Variants in SYNE2 observed in about 807,000 individuals in gnomAD.
SYNE2 encodes nesprin-2.
A neutral mutation model predicts 856.3 loss-of-function variants in SYNE2; 431 were observed. The observed-to-expected ratio is 0.50, with a 90% confidence interval of 0.47 to 0.55. The LOEUF (loss-of-function observed/expected upper bound fraction) is 0.55, where lower values mean the gene tolerates loss of function less well. Ranked by LOEUF, SYNE2 falls within the 20% of genes least tolerant of loss-of-function variation. The pLI, the probability that SYNE2 is intolerant of heterozygous loss-of-function variation, is 0.00. For missense variants in SYNE2, 8,129 were observed against 8,023.2 expected (o/e 1.01, Z -0.50); for synonymous variants, 2,923 against 2,872.3 (o/e 1.02, Z -0.56).
At chr14:64,016,377 A>G in intron 32 of SYNE2, 96 bp from the exon 33 acceptor site, 2 of 787,496 alleles carry the variant, frequency 2.5e-6, no homozygotes, top group South Asian at 3.6e-5. Flanking sequence ...TTTGTTGGGT[A>G]TTGTTTTTAA....
chr14:63,995,676 G>T (rs138921286), intron 23 of SYNE2, among the ~76,000 whole-genome samples: 3 of 151,796 alleles, frequency 2.0e-5, no homozygotes, highest in Non-Finnish European at 4.4e-5. Flanking sequence ...AGTTTCTACT[G>T]TTGTGGCTCT....
In SYNE2 at chr14:64,137,333, G is replaced by A. The variant is rs932900536; in HGVS notation, c.14647-454G>A. ...TCCTGCCTCAGCCTCCTGGCTAGCT[G>A]GGATTACAGGTGTGCGCCACCAAGT... On this transcript the variant is annotated intron_variant, in intron 78 of 115. Transcript: ENST00000555002. Among the ~76,000 whole-genome samples, 11 of 152,294 alleles carry A rather than the reference G, an allele frequency of 7.2e-5. No individual in the cohort carries two copies. In the East Asian group the frequency reaches 1.9e-3, roughly 27 times the overall value.
chr14:63,981,076 C>G lies in SYNE2; in HGVS notation c.1739C>G (p.Thr580Ser). ...YRKNIYNVKS[T>S]LQKVLACWAT... ...AAAAATATATATAATGTGAAGTCCA[C>G]TCTACAAAAAGTGCTGGCATGTTGG... Residue 580 changes from threonine (T) to serine (S), a missense_variant, in exon 16 of 116, where the codon ACT becomes AGT. By Grantham distance (58) the Thr-to-Ser change is moderately conservative. Around this residue, in one of 3 missense-constraint regions of SYNE2, gnomAD observed 2,422 missense variants for 2,357.4 expected, o/e 1.03. Coordinates refer to ENST00000555002, the MANE Select transcript of SYNE2 (RefSeq NM_182914.3). 6.2e-7 allele frequency: 1 copy of G among 1,610,806 alleles called. No individual in the cohort carries two copies. The highest frequency in any genetic ancestry group is 8.5e-7 in the Non-Finnish European group (1 of 1,177,176).
At chr14:63,959,146 C>T (rs973624877) in intron 8 of SYNE2, among the ~76,000 whole-genome samples, 7 of 152,052 alleles carry the variant, frequency 4.6e-5, no homozygotes, top group Non-Finnish European at 7.3e-5. Context: ...GGTAGCTGTG[C>T]TCTTTACTAC....
intron 30 of SYNE2, among the ~76,000 whole-genome samples, chr14:64,006,440 T>C (rs925525180): frequency 3.3e-5 from 5 of 152,170 alleles, no homozygotes; most frequent in African/African-American, 1.2e-4. Context: ...TTCTCTCGTG[T>C]GTATACACCT....
intron 1 of SYNE2, among the ~76,000 whole-genome samples, chr14:63,902,225 A>G (rs1475177672): frequency 6.6e-6 from 1 of 151,998 alleles, no homozygotes; most frequent in African/African-American, 2.4e-5. Flanking sequence ...AGCCTGGCCA[A>G]CATGGCAAAA....
rs1595615763 is a variant in SYNE2 at position 63,916,446 on chromosome 14, A to G, written c.79+7219A>G. Among the ~76,000 whole-genome samples, 5 of 152,200 alleles carry G rather than the reference A, an allele frequency of 3.3e-5. No individual in the cohort carries two copies. The South Asian group carries it at 8.3e-4, about 25-fold the overall frequency. On this transcript the variant is annotated intron_variant, in intron 2 of 115. Coordinates refer to ENST00000555002, the MANE Select transcript of SYNE2 (RefSeq NM_182914.3). ...GCAATAATCTTTCGGAGTTCCTCGA[A>G]GTATGTTGTAGGTACATATGATATT...
intron 1 of SYNE2, among the ~76,000 whole-genome samples, chr14:63,800,429 T>C (rs1888088084): frequency 1.3e-5 from 2 of 152,138 alleles, no homozygotes; most frequent in South Asian, 4.1e-4. Flanking sequence ...ATCTTTTGTA[T>C]TTTTAGTACA....
At position 64,209,478 on chromosome 14, in the gene SYNE2, G is replaced by A. The variant is rs761124507; in HGVS notation, c.18440G>A (p.Arg6147His). The A allele has an allele frequency of 4.5e-5, 73 of 1,614,090 alleles. No individual in the cohort carries two copies. The highest frequency in any genetic ancestry group is 5.8e-5 in the Non-Finnish European group (68 of 1,180,050). Residue 6147 changes from arginine to histidine, a missense_variant, in exon 102 of 116, where the codon CGC (arginine) becomes CAC (histidine). Arg to His is a conservative substitution (Grantham distance 29, BLOSUM62 0). This residue lies in a region of SYNE2 where 5,410 missense variants were observed against 5,284.8 expected (regional missense o/e 1.02). Coordinates refer to ENST00000555002, the MANE Select transcript of SYNE2 (RefSeq NM_182914.3). ...CAGAAGTTTTTAGACGACTATTCTC[G>A]CTTTGAGGACTGGCTCAAGTCAGCT... ...LWQKFLDDYS[R>H]FEDWLKSAER...
chr14:64,206,236 T>C (rs2098604796), intron 100 of SYNE2, among the ~76,000 whole-genome samples: 1 of 152,242 alleles, frequency 6.6e-6, no homozygotes, highest in South Asian at 2.1e-4. Flanking sequence ...AAAAACGAAA[T>C]GAACAGGAGC....
At chr14:64,215,916 C>G (rs959897131) in intron 107 of SYNE2, 4 of 1,291,154 alleles carry the variant, frequency 3.1e-6, no homozygotes, top group African/African-American at 1.5e-5. Context: ...CTCTTCCCCT[C>G]ACTCCTGAGA....
At chr14:63,960,531 T>C (rs1254873025) in intron 8 of SYNE2, among the ~76,000 whole-genome samples, 1 of 152,184 alleles carries the variant, frequency 6.6e-6, no homozygotes, top group Middle Eastern at 3.2e-3. Context: ...AGCCCCTGCC[T>C]GTGACCCACA....
intron 67 of SYNE2, 141 bp downstream of exon 67, chr14:64,119,750 A>T (rs987417856): frequency 3.0e-5 from 24 of 798,134 alleles, no homozygotes; most frequent in Non-Finnish European, 4.3e-5. Flanking sequence ...TTAACACCAT[A>T]GATGAGTACA....
rs375088928 is a variant in SYNE2 at position 63,776,111 on chromosome 14, G to A, written c.-305+14125G>A. The stretch of plus-strand genomic sequence containing the variant: ...ATGGTAGCAGATGATTAGTGAGTTC[G>A]ATGCCACAATTAAAATGAAAATTCC... On this transcript the variant is annotated intron_variant, in intron 1 of 23. Coordinates refer to the SYNE2 transcript ENST00000674003. Among the ~76,000 whole-genome samples the A allele has an allele frequency of 2.3e-4, 35 of 152,210 alleles. 1 individual carries two copies. The South Asian group carries it at 6.8e-3, about 30-fold the overall frequency.
At chr14:63,809,474 G>T (rs7148584) in intron 1 of SYNE2, among the ~76,000 whole-genome samples, 96,041 of 151,946 alleles carry the variant, frequency 0.63, 30,816 homozygotes, top group South Asian at 0.75. Flanking sequence ...ATCAAGTGGG[G>T]TTTTTGTTTG....
chr14:64,070,977 A>G (rs1048778418), intron 52 of SYNE2, 67 bp downstream of exon 52: 19 of 1,538,118 alleles, frequency 1.2e-5, no homozygotes, highest in South Asian at 3.4e-5. Flanking sequence ...TAGAAAATCT[A>G]AAAGTATAGA....
At chr14:63,905,704 C>G (rs1030162585) in intron 1 of SYNE2, among the ~76,000 whole-genome samples, 1 of 152,158 alleles carries the variant, frequency 6.6e-6, no homozygotes, top group Admixed American at 6.5e-5. Context: ...TTGGCAGAGT[C>G]TTTAGGGTTT....
intron 48 of SYNE2, among the ~76,000 whole-genome samples, chr14:64,054,509 G>C (rs1205876475): frequency 2.6e-5 from 4 of 152,188 alleles, no homozygotes; most frequent in Non-Finnish European, 5.9e-5. Context: ...AACAGAACCA[G>C]AGCAGGGAGC....
At chr14:64,001,812 C>T in intron 28 of SYNE2, 122 bp from the exon 29 acceptor site, 1 of 1,080,004 alleles carries the variant, frequency 9.3e-7, no homozygotes, top group Non-Finnish European at 1.4e-6. Flanking sequence ...ATGTATATAT[C>T]ATTGTATGTC....
Sources: allele counts gnomAD v4.1 joint callset (sites outside exome capture counted in the v4.1 genomes callset), GRCh38; gene constraint gnomAD v4.1.1; regional missense constraint gnomAD v4.1.1; transcripts MANE v1.5; gene names NCBI Gene and HGNC (gene_info 2026-07-23, HGNC 2026-07-21).